The following EP400 variants were observed in gnomAD, a reference collection of about 807,000 sequenced individuals.
The protein encoded by EP400 is E1A-binding protein p400.
In EP400, 105 loss-of-function variants were observed where a neutral mutation model predicts 354.1. That is an observed-to-expected ratio of 0.30 (90% CI 0.25 to 0.35). The LOEUF is 0.35. Ranked by LOEUF, EP400 falls within the 10% of genes least tolerant of loss-of-function variation. The pLI is 1.00. For synonymous variants in EP400, 1,646 were observed against 1,716.9 expected (o/e 0.96, Z 1.02); for missense variants, 3,280 against 4,121.0 (o/e 0.80, Z 5.59).
rs185218163 is a variant in EP400 at position 132,025,622 on chromosome 12, C to T, written c.4856-24C>T. The T allele has an allele frequency of 4.6e-5, 73 of 1,569,920 alleles. No individual in the cohort carries two copies. In the African/African-American group the frequency reaches 8.6e-4, roughly 18 times the overall value. On this transcript the variant is annotated intron_variant, in intron 24 of 52. Coordinates refer to ENST00000389561, the MANE Select transcript of EP400 (RefSeq NM_015409.5). This position sits in a 1 kb window ranked among gnomAD's most constrained non-coding sequence, Gnocchi z 4.1. The stretch of plus-strand genomic sequence containing the variant: ...GTGATGTACACATGCCTGTCATTGA[C>T]ACCTAGTGGACCTATGATTGCAGGC...
rs758419902 is a variant in EP400 at position 132,054,983 on chromosome 12, A to G, written c.7738A>G (p.Ile2580Val). 26 of 1,613,910 alleles carry G rather than the reference A, an allele frequency of 1.6e-5. 1 individual carries two copies. In the South Asian group the frequency reaches 2.9e-4, roughly 18 times the overall value. The change falls in exon 44 of 53, where the codon ATT (isoleucine) becomes GTT (valine). Residue 2580 changes from isoleucine to valine, a missense_variant. Transcript: ENST00000389561. This position sits in a 1 kb window ranked among gnomAD's most constrained non-coding sequence, Gnocchi z 4.0. ...GGSAAVLAGT[I>V]KTSVTGTSMP... ...TTTTTTTTTTAAATAGGCAGGAACCATTAAAACATCAGTTACTGGGACGAG... is the reference window on the plus strand; with the variant it reads ...TTTTTTTTTTAAATAGGCAGGAACCGTTAAAACATCAGTTACTGGGACGAG...
intron 48 of EP400, 61 bp downstream of exon 48, chr12:132,064,947 G>A (rs557855363): frequency 6.5e-6 from 10 of 1,531,536 alleles, no homozygotes; most frequent in Non-Finnish European, 8.8e-6. Context: ...TAACACAGCT[G>A]TTGCGCTTGC....
rs529412387 is a variant in EP400, at chr12:131,950,775, A to T, written c.-36+739A>T. 3.9e-5 allele frequency among the ~76,000 whole-genome samples: 6 copies of T among 152,366 alleles called. No homozygotes were observed. In the East Asian group the frequency reaches 5.8e-4, roughly 15 times the overall value. ...GCTTTATTAGTAATTACTTTCTGAG[A>T]CGGGGTCTCGCTCTGTTGCCCAGGT... On this transcript the variant is annotated intron_variant, in intron 1 of 52. Transcript: ENST00000389561.
chr12:131,958,993 G>A (rs139947980), intron 1 of EP400, among the ~76,000 whole-genome samples: 1 of 152,338 alleles, frequency 6.6e-6, no homozygotes, highest in African/African-American at 2.4e-5. Flanking sequence ...ACCTCAAGAA[G>A]ACAGGGGCAC....
In EP400 at chr12:132,066,926, C is replaced by T. The variant is rs369731188; in HGVS notation, c.8706C>T (p.Val2902=). 5.6e-6 allele frequency: 9 copies of T among 1,608,686 alleles called. No homozygotes were observed. Among genetic ancestry groups the T allele is most frequent in the Non-Finnish European group, 4.2e-6 (5 of 1,177,656 alleles). ...SPGVTTLPMN[V]AGISVAIGQP... is the part of the protein sequence containing the mutation. ...GAGTCACCACCCTGCCCATGAACGTCGCGGGGATCAGCGTGGCGATCGGTC... is the reference window on the plus strand; with the variant it reads ...GAGTCACCACCCTGCCCATGAACGTTGCGGGGATCAGCGTGGCGATCGGTC... The change falls in exon 49 of 53, where the codon GTC becomes GTT. Residue 2902 remains valine (V), a synonymous_variant. Transcript: ENST00000389561.
At chr12:132,065,827 T>A (rs1895872848) in intron 48 of EP400, 1 of 152,388 alleles carries the variant, frequency 6.6e-6, no homozygotes, top group South Asian at 2.1e-4. Flanking sequence ...TGGTAACACC[T>A]AGTGGTAGCC....
chr12:132,034,634 C>T (rs180930950), intron 30 of EP400, among the ~76,000 whole-genome samples: 258 of 152,250 alleles, frequency 1.7e-3, no homozygotes, highest in African/African-American at 5.8e-3. Flanking sequence ...GCAGATAGCC[C>T]GGCACCCATG....
intron 39 of EP400, among the ~76,000 whole-genome samples, chr12:132,048,338 TA>T (rs1286096084): frequency 6.6e-6 from 1 of 152,142 alleles, no homozygotes; most frequent in East Asian, 1.9e-4. Flanking sequence ...ATAAAAGTAT[TA>T]ATTTGGGGAA....
In EP400 at chr12:132,030,211, A is replaced by G. The variant is rs1894442958; in HGVS notation, c.5754+53A>G. The G allele has an allele frequency of 3.8e-6, 6 of 1,597,826 alleles. No homozygotes were observed. In the Middle Eastern group the frequency reaches 5.0e-4, roughly 133 times the overall value. On this transcript the variant is annotated intron_variant, in intron 29 of 52. Transcript: ENST00000389561. ...CTGATGGGTCAGTCACTGGTGTTGA[A>G]TGCCTAAGTGCTGTGTAAATTCAGT...
At position 132,013,874 on chromosome 12, in the gene EP400, G is replaced by A. The variant is rs185510720; in HGVS notation, c.3884G>A (p.Arg1295Gln). Reference protein sequence around the residue: ...EHVLKCRLSNRQKALYEDVIL... With the variant: ...EHVLKCRLSNQQKALYEDVIL... Reference sequence around the variant, plus strand: ...GTTTTGAAGTGTCGCCTTTCTAACCGACAAAAAGCCTTATACGAGGACGTT... The same window carrying A: ...GTTTTGAAGTGTCGCCTTTCTAACCAACAAAAAGCCTTATACGAGGACGTT... The change falls in exon 19 of 53, where the codon CGA becomes CAA. Residue 1295 changes from arginine to glutamine, a missense_variant. Arg to Gln is a conservative substitution (Grantham distance 43, BLOSUM62 1). Transcript: ENST00000389561. The surrounding 1 kb of genome is among the most constrained non-coding windows in gnomAD (Gnocchi z 4.5). 9.3e-6 allele frequency: 15 copies of A among 1,614,074 alleles called. No individual in the cohort carries two copies. The highest frequency in any genetic ancestry group is 5.0e-5 in the Admixed American group (3 of 60,010).
intron 51 of EP400, among the ~76,000 whole-genome samples, chr12:132,072,277 C>T (rs1025808164): frequency 5.9e-5 from 9 of 152,158 alleles, no homozygotes; most frequent in African/African-American, 1.9e-4. Context: ...AGGGTTTTTA[C>T]TTCCTTTCCT....
chr12:131,981,969 T>C, intron 4 of EP400, 124 bp from the exon 5 acceptor site: 1 of 1,301,306 alleles, frequency 7.7e-7, no homozygotes, highest in Non-Finnish European at 1.0e-6. Flanking sequence ...TGTGGCCAAC[T>C]TCTCGTGTGA....
chr12:131,956,958 A>G (rs1593307715), intron 1 of EP400, among the ~76,000 whole-genome samples: 1 of 128,330 alleles, frequency 7.8e-6, no homozygotes, highest in African/African-American at 3.0e-5. Context: ...TGCAACCTCC[A>G]CCTCCTGGGT....
chr12:132,012,874 T>C, intron 16 of EP400, 135 bp from the exon 17 acceptor site: 1 of 909,154 alleles, frequency 1.1e-6, no homozygotes, highest in South Asian at 2.4e-5. Flanking sequence ...AATAGCAAGT[T>C]ATTTAAAAAA....
chr12:132,042,144 T>G (rs982959449), intron 32 of EP400, among the ~76,000 whole-genome samples: 1 of 152,068 alleles, frequency 6.6e-6, no homozygotes, highest in Admixed American at 6.6e-5. Context: ...AGAGACGTGG[T>G]TTCTCCATGT....
intron 12 of EP400, among the ~76,000 whole-genome samples, chr12:132,003,885 C>A (rs1893498532): frequency 6.6e-6 from 1 of 152,222 alleles, no homozygotes; most frequent in African/African-American, 2.4e-5. Flanking sequence ...GTGGACAGTG[C>A]CTTTAACATG....
At chr12:131,998,269 A>G (rs754656480) in intron 12 of EP400, among the ~76,000 whole-genome samples, 3 of 152,202 alleles carry the variant, frequency 2.0e-5, no homozygotes, top group African/African-American at 7.2e-5. Context: ...TTTGGGGACT[A>G]TTTCAGAAAC....
At chr12:132,001,198 T>C (rs1304226366) in intron 12 of EP400, among the ~76,000 whole-genome samples, 1 of 151,818 alleles carries the variant, frequency 6.6e-6, no homozygotes, top group Non-Finnish European at 1.5e-5. Context: ...AGACTGGTAG[T>C]GGCCCCGAAT....
intron 15 of EP400, among the ~76,000 whole-genome samples, chr12:132,010,942 T>TA (rs559688473): frequency 3.3e-5 from 5 of 152,002 alleles, no homozygotes; most frequent in South Asian, 2.1e-4. Flanking sequence ...CACTCCATCT[T>TA]AAAAAAAACA....
Sources: allele counts gnomAD v4.1 joint callset (sites outside exome capture counted in the v4.1 genomes callset), GRCh38; gene constraint gnomAD v4.1.1; non-coding constraint Gnocchi (gnomAD v3.1); transcripts MANE v1.5; gene names NCBI Gene and HGNC (gene_info 2026-07-23, HGNC 2026-07-21).